Variants in NPRL3 observed in about 807,000 individuals in gnomAD.
NPRL3 encodes the protein GATOR1 complex protein NPRL3.
Under a neutral mutation model 57.2 loss-of-function variants are expected in NPRL3, and 23 were observed. The observed-to-expected ratio is 0.40, with a 90% CI of 0.29 to 0.57. NPRL3 has a LOEUF of 0.57. Among genes scored for constraint, NPRL3 ranks in the 20% least tolerant of loss-of-function variants. NPRL3 has a pLI of 0.42. For synonymous variants in NPRL3, 333 were observed against 321.1 expected, an observed-to-expected ratio of 1.04 and a Z score of -0.39; for missense variants, 691 against 767.1, an observed-to-expected ratio of 0.90 and a Z score of 1.17.
chr16:93,435 C>T, intron 9 of NPRL3, 110 bp from the exon 10 acceptor site: 1 of 723,324 alleles, frequency 1.4e-6, no homozygotes, highest in Non-Finnish European at 2.5e-6. Flanking sequence ...AGAAGCTGGC[C>T]CCAGCCTCAT....
chr16:99,984 G>GAAAAAA (rs11402477), intron 8 of NPRL3, among the ~76,000 whole-genome samples: 3 of 115,862 alleles, frequency 2.6e-5, no homozygotes, highest in Non-Finnish European at 5.2e-5. Context: ...AAAAGAAAAA[G>GAAAAAA]AAAAAAAAAA....
At chr16:95,350 TACACACACAC>T (rs142854412) in intron 9 of NPRL3, among the ~76,000 whole-genome samples, 22,980 of 110,740 alleles carry the variant, frequency 0.21, 2,730 homozygotes, top group Admixed American at 0.35. Context: ...TATATATATA[TACACACACAC>T]ACACACACAC....
At chr16:116,939 C>T (rs1341514581) in intron 5 of NPRL3, among the ~76,000 whole-genome samples, 1 of 151,200 alleles carries the variant, frequency 6.6e-6, no homozygotes, top group African/African-American at 2.4e-5. Context: ...TGCGCTACTA[C>T]ACTCCAGCCT....
intron 7 of NPRL3, among the ~76,000 whole-genome samples, chr16:101,735 C>T (rs926585359): frequency 6.6e-6 from 1 of 152,216 alleles, no homozygotes; most frequent in Non-Finnish European, 1.5e-5. Context: ...TTCCTGTGGC[C>T]TCACTCCCTG....
At chr16:98,466 T>C (rs114189613) in intron 8 of NPRL3, among the ~76,000 whole-genome samples, 165 bp from the exon 9 acceptor site, 425 of 146,392 alleles carry the variant, frequency 2.9e-3, no homozygotes, top group African/African-American at 0.011. Flanking sequence ...ACACGGAACA[T>C]ACGAAGTGCA....
Position 127,973 on chromosome 16 carries a change from T to C in NPRL3, c.188+2549A>G, listed in dbSNP as rs370629117. On this transcript the variant is annotated intron_variant, in intron 3 of 13. Transcript: ENST00000611875. ...CCCGGCCGCAAGTGAATTTTTTATTTCAGTTAATTTCCATCTTCTTCTTTT... is the reference window on the plus strand; with the variant it reads ...CCCGGCCGCAAGTGAATTTTTTATTCCAGTTAATTTCCATCTTCTTCTTTT... 9.3e-5 allele frequency among the ~76,000 whole-genome samples: 14 copies of C among 149,784 alleles called. No homozygotes were observed. The East Asian group carries it at 2.0e-3, about 21-fold the overall frequency.
At chr16:95,348 T>TACACACACACAC (rs769252741) in intron 9 of NPRL3, among the ~76,000 whole-genome samples, 11 of 45,006 alleles carry the variant, frequency 2.4e-4, no homozygotes, top group African/African-American at 4.9e-4. Context: ...TATATATATA[T>TACACACACACAC]ATACACACAC....
chr16:121,573 T>C (rs1900280837), intron 3 of NPRL3, among the ~76,000 whole-genome samples: 1 of 150,706 alleles, frequency 6.6e-6, no homozygotes, highest in Non-Finnish European at 1.5e-5. Context: ...TGAGCGGAGA[T>C]CGTGCCACTG....
chr16:131,928 A>G (rs936716446), intron 2 of NPRL3, among the ~76,000 whole-genome samples: 19 of 152,010 alleles, frequency 1.2e-4, no homozygotes, highest in African/African-American at 4.6e-4. Context: ...AATATTCGAA[A>G]TCTCTGTTGT....
rs747266609 is a variant in NPRL3, at chr16:100,493, C to T, written c.646G>A (p.Val216Ile). Residue 216 changes from valine to isoleucine, a missense_variant, in exon 8 of 14, where the codon GTA becomes ATA. Val to Ile is a conservative substitution (Grantham distance 29). Transcript: ENST00000611875. ...CAGCTGTTGATGTGAAGCCGAACTA[C>T]GCCCGACGTGCACAGGCTGCAGAGA... ...EAYDSLCTSG[V>I]VRLHINSWLE... The T allele has an allele frequency of 1.5e-5, 24 of 1,586,478 alleles. No homozygotes were observed. The South Asian group carries it at 1.6e-4, about 11-fold the overall frequency.
intron 8 of NPRL3, among the ~76,000 whole-genome samples, chr16:98,530 G>T (rs79115519): frequency 6.6e-6 from 1 of 150,556 alleles, no homozygotes; most frequent in South Asian, 2.1e-4. Context: ...TGCACCGGGT[G>T]TGCATCAGGT....
chr16:94,359 C>T (rs1404174515), intron 9 of NPRL3, among the ~76,000 whole-genome samples: 2 of 152,334 alleles, frequency 1.3e-5, no homozygotes, highest in South Asian at 2.1e-4. Context: ...GACACCACTC[C>T]ACCCTCTTGG....
At chr16:127,815 C>T (rs1223229192) in intron 3 of NPRL3, among the ~76,000 whole-genome samples, 6 of 151,534 alleles carry the variant, frequency 4.0e-5, no homozygotes, top group African/African-American at 2.4e-5. Flanking sequence ...CCACCATGCC[C>T]GGATAACTTT....
At chr16:97,923 C>T (rs1320269128) in intron 9 of NPRL3, among the ~76,000 whole-genome samples, 1 of 152,184 alleles carries the variant, frequency 6.6e-6, no homozygotes, top group Non-Finnish European at 1.5e-5. Context: ...GACAGAAGAA[C>T]AAGTCAGTCC....
intron 7 of NPRL3, among the ~76,000 whole-genome samples, chr16:101,695 A>G (rs917926174): frequency 6.6e-6 from 1 of 152,154 alleles, no homozygotes; most frequent in African/African-American, 2.4e-5. Flanking sequence ...CCACCTGGGC[A>G]GTCCCAGCCA....
At chr16:118,396 A>G (rs1596528015) in intron 4 of NPRL3, among the ~76,000 whole-genome samples, 2 of 152,330 alleles carry the variant, frequency 1.3e-5, no homozygotes, top group Non-Finnish European at 1.5e-5. Context: ...TAGCAGAAAA[A>G]TAAGTGCTAA....
At chr16:112,593 C>T (rs1899863394) in intron 6 of NPRL3, 29 bp downstream of exon 6, 3 of 1,514,846 alleles carry the variant, frequency 2.0e-6, no homozygotes, top group Admixed American at 3.9e-5. Flanking sequence ...CAGCCCAGAC[C>T]CATGCCCATC....
chr16:119,526 G>T, intron 3 of NPRL3: 1 of 465,852 alleles, frequency 2.1e-6, no homozygotes, highest in Non-Finnish European at 3.9e-6. Context: ...TTAAATTCAG[G>T]AGAGAAACAG....
chr16:114,642 C>T (rs1899952224), intron 5 of NPRL3, among the ~76,000 whole-genome samples: 1 of 152,168 alleles, frequency 6.6e-6, no homozygotes, highest in South Asian at 2.1e-4. Flanking sequence ...GGGTTTGCAT[C>T]CTGGTTCAGA....
Sources: gnomAD v4.1 joint callset for allele counts (sites outside exome capture counted in the v4.1 genomes callset) on GRCh38, gnomAD v4.1.1 for gene constraint, MANE v1.5 for transcripts, NCBI Gene and HGNC (gene_info 2026-07-23, HGNC 2026-07-21) for gene names.